Variants in SCAPER observed in about 807,000 individuals in gnomAD.
SCAPER encodes S-phase cyclin A associated protein in the ER.
In SCAPER, 98 loss-of-function variants were observed where a neutral mutation model predicts 182.2. The ratio of observed to expected loss-of-function variants is 0.54; its 90% CI spans 0.46 to 0.64. The LOEUF (loss-of-function observed/expected upper bound fraction) is 0.64, where lower values mean the gene tolerates loss of function less well. Ranked by LOEUF, SCAPER falls within the 30% of genes least tolerant of loss-of-function variation. The pLI is 0.00. For missense variants in SCAPER, 1,432 were observed against 1,690.0 expected (o/e 0.85, Z 2.68); for synonymous variants, 605 against 564.6 (o/e 1.07, Z -1.01).
chr15:76,635,847 T>C (rs2053550486), intron 21 of SCAPER, among the ~76,000 whole-genome samples: 1 of 152,232 alleles, frequency 6.6e-6, no homozygotes, highest in Non-Finnish European at 1.5e-5. Flanking sequence ...TCTATTAATA[T>C]GGTATATTAT....
chr15:76,547,117 C>T (rs1032668613), intron 23 of SCAPER, among the ~76,000 whole-genome samples: 1 of 152,140 alleles, frequency 6.6e-6, no homozygotes, highest in Non-Finnish European at 1.5e-5. Flanking sequence ...TCAACTTTAC[C>T]GGAACTTGCT....
rs780656384 is a variant in SCAPER at position 76,589,958 on chromosome 15, C to T, written c.2712-15674G>A. On this transcript the variant is annotated intron_variant, in intron 22 of 31. Transcript: ENST00000563290. ...CTTCCACGATCTGGAACTTCAGGTT[C>T]CCCTGTGTGTGTTTGGGGGTGGACC... 2.1e-4 allele frequency among the ~76,000 whole-genome samples: 32 copies of T among 152,320 alleles called. No homozygotes were observed. In the South Asian group the frequency reaches 3.3e-3, roughly 16 times the overall value.
chr15:76,426,448 T>C (rs2046437305), intron 26 of SCAPER, among the ~76,000 whole-genome samples: 2 of 152,140 alleles, frequency 1.3e-5, no homozygotes, highest in African/African-American at 2.4e-5. Context: ...ATTTGCTCAG[T>C]TGGAAATGCA....
chr15:76,410,381 C>T (rs2045202621), intron 26 of SCAPER, among the ~76,000 whole-genome samples: 1 of 152,168 alleles, frequency 6.6e-6, no homozygotes, highest in South Asian at 2.1e-4. Context: ...CACATAATTT[C>T]TACATTACTA....
chr15:76,748,979 A>G (rs1470649559), intron 15 of SCAPER, among the ~76,000 whole-genome samples: 1 of 152,086 alleles, frequency 6.6e-6, no homozygotes, highest in Non-Finnish European at 1.5e-5. Context: ...ACAACTCTAA[A>G]AAAATTGAAG....
intron 5 of SCAPER, among the ~76,000 whole-genome samples, chr15:76,808,182 T>C (rs2066321460): frequency 6.6e-6 from 1 of 152,010 alleles, no homozygotes. Context: ...ACAGAAAGGG[T>C]TTGTCTGCAT....
intron 22 of SCAPER, among the ~76,000 whole-genome samples, chr15:76,587,854 T>C (rs1200581073): frequency 6.6e-6 from 1 of 152,164 alleles, no homozygotes; most frequent in Non-Finnish European, 1.5e-5. Flanking sequence ...ATGACCTGCC[T>C]AGTGCTGTCA....
intron 4 of SCAPER, among the ~76,000 whole-genome samples, chr15:76,845,445 A>G (rs1350415113): frequency 6.6e-6 from 1 of 152,196 alleles, no homozygotes; most frequent in Non-Finnish European, 1.5e-5. Flanking sequence ...AGATAATATG[A>G]TCTCATATTT....
At chr15:76,698,843 T>C (rs192898857) in intron 20 of SCAPER, among the ~76,000 whole-genome samples, 3 of 152,332 alleles carry the variant, frequency 2.0e-5, no homozygotes, top group Admixed American at 2.0e-4. Flanking sequence ...AATCTGCAAA[T>C]TGCTTTGGGC....
At chr15:76,393,097 T>C (rs1234435804) in intron 27 of SCAPER, among the ~76,000 whole-genome samples, 1 of 152,230 alleles carries the variant, frequency 6.6e-6, no homozygotes, top group East Asian at 1.9e-4. Flanking sequence ...TTATGTCAGC[T>C]GGGATGGATC....
At chr15:76,781,657 C>G (rs1196199161) in intron 8 of SCAPER, among the ~76,000 whole-genome samples, 3 of 152,166 alleles carry the variant, frequency 2.0e-5, no homozygotes, top group Non-Finnish European at 4.4e-5. Flanking sequence ...GGGTTACCCA[C>G]AAAGGGAAGC....
At chr15:76,525,762 A>C (rs2043152403) in intron 23 of SCAPER, among the ~76,000 whole-genome samples, 1 of 152,158 alleles carries the variant, frequency 6.6e-6, no homozygotes, top group Admixed American at 6.5e-5. Context: ...TCCACCATGG[A>C]TGGGCACCTG....
chr15:76,498,915 T>C (rs1225179633), intron 24 of SCAPER, among the ~76,000 whole-genome samples: 1 of 152,100 alleles, frequency 6.6e-6, no homozygotes, highest in African/African-American at 2.4e-5. Flanking sequence ...GGATTTACTA[T>C]AGGCAGATAA....
chr15:76,512,389 G>C (rs16968319), intron 23 of SCAPER, among the ~76,000 whole-genome samples: 10,063 of 151,984 alleles, frequency 0.066, 370 homozygotes, highest in Middle Eastern at 0.11. Flanking sequence ...CAACCATTAA[G>C]AAGGGAACTA....
chr15:76,602,976 C>CT (rs34097680), intron 22 of SCAPER, among the ~76,000 whole-genome samples: 27,865 of 57,724 alleles, frequency 0.48, 9,051 homozygotes, highest in East Asian at 0.73. Context: ...AGCAAGAAAA[C>CT]TTTTTTTTTT....
chr15:76,898,793 T>C (rs1191245968), intron 1 of SCAPER, among the ~76,000 whole-genome samples: 2 of 152,222 alleles, frequency 1.3e-5, no homozygotes, highest in African/African-American at 4.8e-5. Context: ...CTAATGCTTA[T>C]GGGGTTTCAT....
chr15:76,715,632 C>T (rs2059850592), intron 17 of SCAPER, among the ~76,000 whole-genome samples: 1 of 152,028 alleles, frequency 6.6e-6, no homozygotes, highest in African/African-American at 2.4e-5. Flanking sequence ...AGTCAGGGTC[C>T]CAAGTGACCA....
intron 29 of SCAPER, 122 bp downstream of exon 29, chr15:76,376,040 T>C (rs1276533252): frequency 8.2e-6 from 10 of 1,224,516 alleles, no homozygotes; most frequent in Non-Finnish European, 1.1e-5. Context: ...TCCTGCAGTC[T>C]GGTTAAAGGG....
At chr15:76,754,056 T>A (rs1373264066) in intron 14 of SCAPER, 108 bp from the exon 15 acceptor site, 1 of 1,212,622 alleles carries the variant, frequency 8.2e-7, no homozygotes, top group African/African-American at 1.5e-5. Context: ...CGTGGAAAAA[T>A]GTGCAGCAAC....
Sources: allele counts gnomAD v4.1 joint callset (sites outside exome capture counted in the v4.1 genomes callset), GRCh38; gene constraint gnomAD v4.1.1; transcripts MANE v1.5; gene names NCBI Gene and HGNC (gene_info 2026-07-23, HGNC 2026-07-21).